The following FHIT variants were observed in gnomAD, a reference collection of about 807,000 sequenced individuals.
FHIT encodes bis(5'-adenosyl)-triphosphatase.
Under a neutral mutation model 17.9 loss-of-function variants are expected in FHIT, and 19 were observed. The observed-to-expected ratio is 1.06, with a 90% CI of 0.74 to 1.56. The LOEUF (loss-of-function observed/expected upper bound fraction) is 1.56, where lower values mean the gene tolerates loss of function less well. FHIT is among the 40% of genes most tolerant of loss of function. The pLI is 0.00. For synonymous variants in FHIT, 81 were observed against 69.7 expected (o/e 1.16, Z -0.81); for missense variants, 248 against 189.2 (o/e 1.31, Z -1.82).
chr3:60,336,132 A>G (rs190358437), intron 5 of FHIT, among the ~76,000 whole-genome samples: 3 of 152,326 alleles, frequency 2.0e-5, no homozygotes, highest in Admixed American at 2.0e-4. Context: ...CTCTCTCCAC[A>G]TGCTTTACAT....
chr3:60,730,082 T>A, intron 4 of FHIT: 6 of 512,966 alleles, frequency 1.2e-5, no homozygotes, highest in South Asian at 3.1e-5. Context: ...AAAAATCTCT[T>A]CAGGTAGTAG....
intron 8 of FHIT, among the ~76,000 whole-genome samples, chr3:59,767,599 G>A (rs1701868146): frequency 6.6e-6 from 1 of 152,158 alleles, no homozygotes; most frequent in Non-Finnish European, 1.5e-5. Flanking sequence ...TCAAAGGACT[G>A]GAGCCCAACA....
intron 4 of FHIT, among the ~76,000 whole-genome samples, chr3:60,577,368 C>G (rs1296253183): frequency 6.6e-6 from 1 of 152,128 alleles, no homozygotes; most frequent in Non-Finnish European, 1.5e-5. Flanking sequence ...CCCATGCTCT[C>G]TTTTGGGTCA....
At chr3:60,125,201 G>C (rs1705485912) in intron 5 of FHIT, among the ~76,000 whole-genome samples, 1 of 152,208 alleles carries the variant, frequency 6.6e-6, no homozygotes, top group Admixed American at 6.5e-5. Context: ...CCAGGGTCTA[G>C]AGTTCCCACT....
chr3:60,874,970 T>C (rs962455436), intron 3 of FHIT, among the ~76,000 whole-genome samples: 3 of 152,170 alleles, frequency 2.0e-5, no homozygotes, highest in Admixed American at 6.5e-5. Context: ...AAGATTTACA[T>C]TGTGAGTCTA....
rs565833119 is a variant in FHIT at position 60,115,436 on chromosome 3, C to T, written c.104-101284G>A. 1.9e-4 allele frequency among the ~76,000 whole-genome samples: 29 copies of T among 152,150 alleles called. No homozygotes were observed. In the East Asian group the frequency reaches 5.2e-3, roughly 27 times the overall value. On this transcript the variant is annotated intron_variant, in intron 5 of 9. Transcript: ENST00000492590. The stretch of plus-strand genomic sequence containing the variant: ...CAACTTCACTATATTCAATTAACTA[C>T]GATTTTAAATAATAAAACGGTAATT...
In FHIT at chr3:60,282,289, C is replaced by T. The variant is rs138351282; in HGVS notation, c.103+254571G>A. Among the ~76,000 whole-genome samples, 75 of 152,166 alleles carry T rather than the reference C, an allele frequency of 4.9e-4. 1 individual carries two copies. The South Asian group carries it at 1.0e-2, about 20-fold the overall frequency. ...ATAAACAAACTGTGGCAAATCCATA[C>T]GACAGAATACTAGTCTACAATTTTT... On this transcript the variant is annotated intron_variant, in intron 5 of 9. Coordinates refer to ENST00000492590, the MANE Select transcript of FHIT (RefSeq NM_002012.4).
At chr3:60,417,044 G>A (rs1002835929) in intron 5 of FHIT, among the ~76,000 whole-genome samples, 3 of 150,060 alleles carry the variant, frequency 2.0e-5, no homozygotes, top group Non-Finnish European at 3.0e-5. Context: ...AGCCGAGATC[G>A]CACCACTGCA....
intron 4 of FHIT, among the ~76,000 whole-genome samples, chr3:60,621,299 C>T (rs72889655): frequency 0.013 from 1,992 of 151,930 alleles, 52 homozygotes; most frequent in African/African-American, 0.046. Flanking sequence ...CAGGTGCCCA[C>T]GACTACGCCT....
intron 7 of FHIT, among the ~76,000 whole-genome samples, chr3:59,959,829 C>G (rs766012381): frequency 6.6e-6 from 1 of 152,040 alleles, no homozygotes; most frequent in African/African-American, 2.4e-5. Context: ...GGGGTAGGGT[C>G]AGATTTAAGA....
chr3:60,014,087 C>A lies in FHIT; in HGVS notation c.169G>T (p.Asp57Tyr), dbSNP rs375883257. Reference sequence around the variant, plus strand: ...ACTCTCTGGGTCGTCTGAAACAAATCGGCCACTTCATCAGGACGCAGGTCA... The same window carrying A: ...ACTCTCTGGGTCGTCTGAAACAAATAGGCCACTTCATCAGGACGCAGGTCA... The part of the protein sequence containing the change: ...FHDLRPDEVA[D>Y]LFQTTQRVGT... The change falls in exon 6 of 10, where the codon GAT becomes TAT. Residue 57 changes from aspartate (D) to tyrosine (Y), a missense_variant. Asp to Tyr is a radical substitution (Grantham distance 160, BLOSUM62 -3). Transcript: ENST00000492590. 6.2e-7 allele frequency: 1 copy of A among 1,613,894 alleles called. No homozygotes were observed. Among genetic ancestry groups the A allele is most frequent in the Admixed American group, 1.7e-5 (1 of 60,002 alleles).
chr3:59,892,184 G>A (rs11915344), intron 8 of FHIT, among the ~76,000 whole-genome samples: 4,850 of 152,170 alleles, frequency 0.032, 246 homozygotes, highest in African/African-American at 0.11. Context: ...TTACATCATC[G>A]GGAGGGACAT....
chr3:60,801,023 C>A (rs1222577286), intron 4 of FHIT, among the ~76,000 whole-genome samples: 1 of 152,132 alleles, frequency 6.6e-6, no homozygotes, highest in African/African-American at 2.4e-5. Context: ...CAACAGCATC[C>A]TCTACAGAGG....
chr3:61,015,322 G>C (rs1304208224), intron 3 of FHIT, among the ~76,000 whole-genome samples: 1 of 152,106 alleles, frequency 6.6e-6, no homozygotes, highest in Non-Finnish European at 1.5e-5. Flanking sequence ...AACTTTCAGT[G>C]GTTCTTGCCT....
At chr3:60,309,379 C>A (rs1424924895) in intron 5 of FHIT, among the ~76,000 whole-genome samples, 1 of 152,026 alleles carries the variant, frequency 6.6e-6, no homozygotes, top group Non-Finnish European at 1.5e-5. Context: ...AAAAAAACCT[C>A]AAACCAGTGG....
intron 5 of FHIT, among the ~76,000 whole-genome samples, chr3:60,124,039 G>GAGAGACAGAGAGAGAGAGAGAC (rs1559653887): frequency 8.8e-6 from 1 of 113,824 alleles, no homozygotes; most frequent in Non-Finnish European, 1.8e-5. Flanking sequence ...GAGAGAGAGA[G>GAGAGACAGAGAGAGAGAGAGAC]AGAGAGAGAG....
At chr3:59,864,196 C>T (rs1575606575) in intron 8 of FHIT, among the ~76,000 whole-genome samples, 1 of 152,188 alleles carries the variant, frequency 6.6e-6, no homozygotes, top group Non-Finnish European at 1.5e-5. Context: ...CAAATCTCAA[C>T]TTGAATTGTA....
intron 5 of FHIT, among the ~76,000 whole-genome samples, chr3:60,391,426 T>C (rs1258548351): frequency 6.6e-6 from 1 of 152,188 alleles, no homozygotes; most frequent in African/African-American, 2.4e-5. Flanking sequence ...AAGTGTATCA[T>C]GTTTATAAAG....
At chr3:60,805,458 C>T (rs1175675241) in intron 4 of FHIT, among the ~76,000 whole-genome samples, 1 of 152,116 alleles carries the variant, frequency 6.6e-6, no homozygotes, top group East Asian at 1.9e-4. Flanking sequence ...CCTAGTATCT[C>T]CTCTTCTTCT....
Sources: gnomAD v4.1 joint callset for allele counts (sites outside exome capture counted in the v4.1 genomes callset) on GRCh38, gnomAD v4.1.1 for gene constraint, MANE v1.5 for transcripts, NCBI Gene and HGNC (gene_info 2026-07-23, HGNC 2026-07-21) for gene names.